Variants in LDLRAD3 observed in about 807,000 individuals in gnomAD.
LDLRAD3 encodes the protein low-density lipoprotein receptor class A domain-containing protein 3.
A neutral mutation model predicts 29.4 loss-of-function variants in LDLRAD3; 20 were observed. The ratio of observed to expected loss-of-function variants is 0.68; its 90% confidence interval spans 0.48 to 0.99. The LOEUF (loss-of-function observed/expected upper bound fraction) is 0.99, where lower values mean the gene tolerates loss of function less well. Among genes scored for constraint, LDLRAD3 ranks in the 50% least tolerant of loss-of-function variants. The probability of loss-of-function intolerance (pLI) is 0.00; values close to 1 mark genes in which losing one functional copy is unlikely to be tolerated. For missense variants in LDLRAD3, 420 were observed against 454.3 expected, an observed-to-expected ratio of 0.92 and a Z score of 0.69; for synonymous variants, 157 against 192.7, an observed-to-expected ratio of 0.81 and a Z score of 1.53.
intron 2 of LDLRAD3, among the ~76,000 whole-genome samples, chr11:36,079,450 A>G (rs1853075029): frequency 6.6e-6 from 1 of 152,228 alleles, no homozygotes; most frequent in African/African-American, 2.4e-5. Context: ...TCTATGCTCT[A>G]TACTGTTTTG....
intron 1 of LDLRAD3, among the ~76,000 whole-genome samples, chr11:35,947,041 G>C (rs949069662): frequency 6.6e-6 from 1 of 152,174 alleles, no homozygotes; most frequent in African/African-American, 2.4e-5. Context: ...GGGAGGGAGA[G>C]AGATGGGAGT....
At position 36,191,599 on chromosome 11, in the gene LDLRAD3, T is replaced by TACAC. The variant is rs71044557; in HGVS notation, c.455-35465_455-35462dup. On this transcript the variant is annotated intron_variant, in intron 4 of 5. Coordinates refer to ENST00000315571, the MANE Select transcript of LDLRAD3 (RefSeq NM_174902.4). ...CTCTATATATATATATATATATATA[T>TACAC]ACACACACACACACACACACACACG... Among the ~76,000 whole-genome samples, 304 of 93,110 alleles carry TACAC rather than the reference T, an allele frequency of 3.3e-3. 1 individual carries two copies. Among genetic ancestry groups the TACAC allele is most frequent in the African/African-American group, 0.011 (239 of 22,278 alleles). The allele number at this position is 93,110 out of a possible 152,430, so 61.1% of individuals were successfully genotyped here.
chr11:35,974,747 A>G (rs993665878), intron 1 of LDLRAD3, among the ~76,000 whole-genome samples: 2 of 152,162 alleles, frequency 1.3e-5, no homozygotes, highest in African/African-American at 4.8e-5. Flanking sequence ...GCATGATGGG[A>G]GCTGCAATAC....
At chr11:36,023,153 C>G (rs148300109) in intron 1 of LDLRAD3, among the ~76,000 whole-genome samples, 1 of 152,148 alleles carries the variant, frequency 6.6e-6, no homozygotes, top group East Asian at 1.9e-4. Context: ...CTTTGCTTGA[C>G]GGAAACAGGC....
intron 4 of LDLRAD3, among the ~76,000 whole-genome samples, chr11:36,126,598 G>C (rs1404830634): frequency 6.6e-6 from 1 of 152,124 alleles, no homozygotes; most frequent in Non-Finnish European, 1.5e-5. Context: ...TCTGGAGCCC[G>C]GATCATCCAT....
intron 1 of LDLRAD3, among the ~76,000 whole-genome samples, chr11:36,019,464 G>A (rs1852066149): frequency 6.6e-6 from 1 of 152,194 alleles, no homozygotes; most frequent in Non-Finnish European, 1.5e-5. Flanking sequence ...CATGTGGAGA[G>A]CTGCCACCTT....
At chr11:36,070,140 C>T (rs564120106) in intron 2 of LDLRAD3, among the ~76,000 whole-genome samples, 6 of 152,328 alleles carry the variant, frequency 3.9e-5, no homozygotes, top group African/African-American at 1.4e-4. Flanking sequence ...TTTTGAATCC[C>T]CACACAACTG....
chr11:36,019,419 G>A (rs141054236), intron 1 of LDLRAD3, among the ~76,000 whole-genome samples: 3 of 152,136 alleles, frequency 2.0e-5, no homozygotes, highest in African/African-American at 4.8e-5. Flanking sequence ...GTCTTGCTTC[G>A]TGTGGAGCCA....
At chr11:35,950,926 G>A (rs548758780) in intron 1 of LDLRAD3, among the ~76,000 whole-genome samples, 6 of 152,026 alleles carry the variant, frequency 3.9e-5, no homozygotes, top group South Asian at 2.1e-4. Flanking sequence ...TTCTAAAAAT[G>A]CAAAACGTTA....
chr11:35,995,005 C>T (rs892894289), intron 1 of LDLRAD3, among the ~76,000 whole-genome samples: 1 of 152,192 alleles, frequency 6.6e-6, no homozygotes, highest in Non-Finnish European at 1.5e-5. Flanking sequence ...ACCTAAAAGT[C>T]ATTTGTGAGG....
chr11:36,035,922 A>C (rs964888234), intron 1 of LDLRAD3, among the ~76,000 whole-genome samples, 181 bp from the exon 2 acceptor site: 2 of 152,204 alleles, frequency 1.3e-5, no homozygotes, highest in Non-Finnish European at 2.9e-5. Context: ...TCCTCTCAGA[A>C]TCTCTGGAGG....
At chr11:36,219,125 A>T (rs1157282338) in intron 4 of LDLRAD3, among the ~76,000 whole-genome samples, 5 of 152,248 alleles carry the variant, frequency 3.3e-5, no homozygotes, top group Admixed American at 2.0e-4. Context: ...CATATTGTCC[A>T]TGACAGCTTT....
At chr11:36,174,228 G>T (rs1394984348) in intron 4 of LDLRAD3, among the ~76,000 whole-genome samples, 1 of 152,208 alleles carries the variant, frequency 6.6e-6, no homozygotes, top group Non-Finnish European at 1.5e-5. Flanking sequence ...ATGGATTAAA[G>T]ACTTAAATGT....
intron 1 of LDLRAD3, among the ~76,000 whole-genome samples, chr11:36,017,695 C>T (rs902095374): frequency 3.4e-4 from 51 of 151,904 alleles, no homozygotes; most frequent in African/African-American, 1.2e-3. Flanking sequence ...TGCCCCATGA[C>T]TGTATTTTTA....
chr11:36,071,703 C>T (rs1253617837), intron 2 of LDLRAD3, among the ~76,000 whole-genome samples: 1 of 152,170 alleles, frequency 6.6e-6, no homozygotes, highest in Non-Finnish European at 1.5e-5. Context: ...ATTGAGTAGT[C>T]TGTGTGCCTG....
intron 2 of LDLRAD3, among the ~76,000 whole-genome samples, chr11:36,052,990 C>A (rs11033389): frequency 6.7e-6 from 1 of 149,316 alleles, no homozygotes; most frequent in South Asian, 2.1e-4. Flanking sequence ...TTTTTAAACT[C>A]TGCAGTGAGG....
intron 4 of LDLRAD3, among the ~76,000 whole-genome samples, chr11:36,191,558 CTCTCTCTCTCTCTCTCTCTATA>C (rs1854944948): frequency 2.8e-5 from 2 of 71,670 alleles, no homozygotes; most frequent in South Asian, 1.1e-3. Context: ...CTCTCTCTCT[CTCTCTCTCTCTCTCTCTCTATA>C]TATATATATA....
At chr11:35,963,518 C>T (rs1851303593) in intron 1 of LDLRAD3, among the ~76,000 whole-genome samples, 1 of 151,880 alleles carries the variant, frequency 6.6e-6, no homozygotes, top group South Asian at 2.1e-4. Flanking sequence ...AAGACTGAGT[C>T]TCCTCGGCTT....
intron 5 of LDLRAD3, 93 bp from the exon 6 acceptor site, chr11:36,229,067 A>G (rs1565319741): frequency 2.4e-6 from 2 of 830,262 alleles, no homozygotes; most frequent in South Asian, 3.1e-5. Context: ...ACACTGTCTC[A>G]GAAATGGGCT....
Sources: allele counts gnomAD v4.1 joint callset (sites outside exome capture counted in the v4.1 genomes callset), GRCh38; gene constraint gnomAD v4.1.1; transcripts MANE v1.5; gene names NCBI Gene and HGNC (gene_info 2026-07-23, HGNC 2026-07-21).